Variants in SRPK1 observed in about 807,000 individuals in gnomAD.
SRPK1 encodes SRSF protein kinase 1.
A neutral mutation model predicts 89.5 loss-of-function variants in SRPK1; 52 were observed. The ratio of observed to expected loss-of-function variants is 0.58; its 90% CI spans 0.46 to 0.73. The LOEUF is 0.73. SRPK1 is among the 30% of genes least tolerant of loss of function. The probability of loss-of-function intolerance (pLI) is 0.00; values close to 1 mark genes in which losing one functional copy is unlikely to be tolerated. For missense variants in SRPK1, 603 were observed against 780.6 expected (o/e 0.77, Z 2.71); for synonymous variants, 255 against 270.2 (o/e 0.94, Z 0.55).
At chr6:35,914,710 A>G (rs1771050743) in intron 2 of SRPK1, among the ~76,000 whole-genome samples, 1 of 152,116 alleles carries the variant, frequency 6.6e-6, no homozygotes, top group Non-Finnish European at 1.5e-5. Flanking sequence ...TTTTTCTTTC[A>G]CTGCTGAATC....
chr6:35,920,770 CG>C, intron 1 of SRPK1: 2 of 353,234 alleles, frequency 5.7e-6, no homozygotes, highest in South Asian at 1.9e-4. Flanking sequence ...GGGTCTGCGT[CG>C]CCCGCCAAGG....
intron 2 of SRPK1, among the ~76,000 whole-genome samples, chr6:35,899,219 CCAAA>C (rs567333595): frequency 9.8e-4 from 149 of 152,258 alleles, no homozygotes; most frequent in Middle Eastern, 6.8e-3. Context: ...CCACTATACT[CCAAA>C]CAGATTTTTT....
intron 6 of SRPK1, among the ~76,000 whole-genome samples, chr6:35,874,833 AT>A (rs1183597799): frequency 4.0e-5 from 6 of 151,728 alleles, no homozygotes; most frequent in African/African-American, 9.7e-5. Flanking sequence ...AAATGCCAAC[AT>A]TTTTTTTTAA....
rs150188502 is a variant in SRPK1 at position 35,918,612 on chromosome 6, G to C, written c.74+1856C>G. Reference sequence around the variant, plus strand: ...ACACCTCTGAAGTTACAAGGAAATGGGGGCAGTTCATTCACGCATATTTTC... The same window carrying C: ...ACACCTCTGAAGTTACAAGGAAATGCGGGCAGTTCATTCACGCATATTTTC... On this transcript the variant is annotated intron_variant, in intron 2 of 15. Coordinates refer to ENST00000373825, the MANE Select transcript of SRPK1 (RefSeq NM_003137.5). Among the ~76,000 whole-genome samples, 375 of 152,236 alleles carry C rather than the reference G, an allele frequency of 2.5e-3. 1 individual carries two copies. The Middle Eastern group carries it at 0.027, about 11-fold the overall frequency.
chr6:35,899,952 GA>G (rs1770706791), intron 2 of SRPK1, among the ~76,000 whole-genome samples: 1 of 150,734 alleles, frequency 6.6e-6, no homozygotes, highest in African/African-American at 2.5e-5. Flanking sequence ...AGTGAGCTGG[GA>G]TCGCACCACT....
At chr6:35,921,017 C>T (rs765238164) in intron 1 of SRPK1, 27 bp downstream of exon 1, 12 of 1,540,784 alleles carry the variant, frequency 7.8e-6, no homozygotes, top group South Asian at 1.2e-5. Context: ...CATTGCCCCT[C>T]GTGGCGGAGG....
At position 35,920,650 on chromosome 6, in the gene SRPK1, G is replaced by GGCCTGC; in HGVS notation, c.14-123_14-122insGCAGGC. On this transcript the variant is annotated intron_variant, in intron 1 of 15. Transcript: ENST00000373825. Reference sequence around the variant, plus strand: ...GGGCCTGCCTCGGGGGCGGCTGCGGGCTCCGGCGAGGCGGCCGGCCGTGGG... The same window carrying GGCCTGC: ...GGGCCTGCCTCGGGGGCGGCTGCGGGGCCTGCCTCCGGCGAGGCGGCCGGCCGTGGG... The GGCCTGC allele has an allele frequency of 2.9e-6, 2 of 685,228 alleles. 1 individual carries two copies. Among genetic ancestry groups the GGCCTGC allele is most frequent in the South Asian group, 1.0e-4 (2 of 19,180 alleles). 42.4% of individuals were successfully genotyped at this position (685,228 alleles called of 1,614,324 possible). A position where few individuals can be genotyped will look rare whatever the true frequency, so the allele number is the denominator to read the frequency against.
chr6:35,908,113 T>C (rs977937754), intron 2 of SRPK1, among the ~76,000 whole-genome samples: 17 of 152,188 alleles, frequency 1.1e-4, no homozygotes, highest in Non-Finnish European at 1.6e-4. Context: ...CGGTCTCAGG[T>C]AGTATTCTTT....
In SRPK1 at chr6:35,833,559, CTT is replaced by C. The variant is rs1321501988; in HGVS notation, c.*1743_*1744del. On this transcript the variant is annotated 3_prime_UTR_variant, in exon 16 of 16. Transcript: ENST00000373825. ...GCCGTTGTTTGATACAATCTATTCT[CTT>C]GATTCTTGATAGGTGCATAGAAAGC... 1 of 152,592 alleles carries C rather than the reference CTT, an allele frequency of 6.6e-6. No homozygotes were observed. The highest frequency in any genetic ancestry group is 1.5e-5 in the Non-Finnish European group (1 of 68,036). The allele number at this position is 152,592 out of a possible 1,614,324, so 9.5% of individuals were successfully genotyped here. A position where few individuals can be genotyped will look rare whatever the true frequency, so the allele number is the denominator to read the frequency against.
chr6:35,919,202 C>G (rs1771174508), intron 2 of SRPK1, among the ~76,000 whole-genome samples: 1 of 152,214 alleles, frequency 6.6e-6, no homozygotes, highest in Non-Finnish European at 1.5e-5. Context: ...CACACAAACT[C>G]TCATTTACAA....
At chr6:35,852,924 G>GT (rs777504852) in intron 13 of SRPK1, among the ~76,000 whole-genome samples, 2 of 152,094 alleles carry the variant, frequency 1.3e-5, no homozygotes, top group Non-Finnish European at 2.9e-5. Context: ...TTCAGAAACA[G>GT]CAACAACAAC....
intron 1 of SRPK1, 129 bp downstream of exon 1, chr6:35,920,915 C>T: frequency 1.9e-6 from 2 of 1,039,990 alleles, no homozygotes; most frequent in Non-Finnish European, 2.7e-6. Context: ...TGGGGCGGCG[C>T]CACCTCAGTG....
chr6:35,869,360 A>C (rs1769981160), intron 11 of SRPK1, 122 bp downstream of exon 11: 2 of 1,212,562 alleles, frequency 1.6e-6, no homozygotes, highest in Non-Finnish European at 2.3e-6. Flanking sequence ...TACAATTTAA[A>C]CGTAACTTAG....
intron 5 of SRPK1, among the ~76,000 whole-genome samples, chr6:35,887,097 G>A (rs1038678000): frequency 1.3e-5 from 2 of 152,098 alleles, no homozygotes; most frequent in Admixed American, 6.6e-5. Flanking sequence ...AGGCTATGAG[G>A]AACTAAGAAG....
chr6:35,841,830 CAA>C (rs749935901), intron 14 of SRPK1, among the ~76,000 whole-genome samples: 2,467 of 44,566 alleles, frequency 0.055, 32 homozygotes, highest in African/African-American at 0.13. Flanking sequence ...GACTCCGTCT[CAA>C]AAAAAAAAAA....
At chr6:35,838,054 G>A (rs1297119315) in intron 15 of SRPK1, among the ~76,000 whole-genome samples, 1 of 152,052 alleles carries the variant, frequency 6.6e-6, no homozygotes, top group African/African-American at 2.4e-5. Flanking sequence ...ATTTTTAGTA[G>A]AGACGGGGTT....
chr6:35,912,498 G>A (rs1310238603), intron 2 of SRPK1, among the ~76,000 whole-genome samples: 1 of 152,188 alleles, frequency 6.6e-6, no homozygotes, highest in African/African-American at 2.4e-5. Flanking sequence ...TGACGCTACT[G>A]CAAAGTTAAC....
chr6:35,889,018 T>A, intron 3 of SRPK1, 95 bp from the exon 4 acceptor site: 1 of 764,284 alleles, frequency 1.3e-6, no homozygotes, highest in Non-Finnish European at 2.2e-6. Context: ...AACATCTATA[T>A]ACCTTTTATC....
At chr6:35,917,349 A>G (rs1331786159) in intron 2 of SRPK1, among the ~76,000 whole-genome samples, 1 of 152,222 alleles carries the variant, frequency 6.6e-6, no homozygotes, top group African/African-American at 2.4e-5. Flanking sequence ...CATGATTGGT[A>G]GCCAGGGCTT....
Sources: allele counts gnomAD v4.1 joint callset (sites outside exome capture counted in the v4.1 genomes callset), GRCh38; gene constraint gnomAD v4.1.1; transcripts MANE v1.5; gene names NCBI Gene and HGNC (gene_info 2026-07-23, HGNC 2026-07-21).